The following HECW1 variants were observed in gnomAD, a reference collection of about 807,000 sequenced individuals.
HECW1 encodes the protein E3 ubiquitin-protein ligase HECW1.
Under a neutral mutation model 182.3 loss-of-function variants are expected in HECW1, and 61 were observed. That is an observed-to-expected ratio of 0.33 (90% CI 0.27 to 0.41). The LOEUF (loss-of-function observed/expected upper bound fraction) is 0.41, where lower values mean the gene tolerates loss of function less well. Ranked by LOEUF, HECW1 falls within the 10% of genes least tolerant of loss-of-function variation. The pLI is 1.00. For synonymous variants in HECW1, 859 were observed against 832.6 expected (o/e 1.03, Z -0.55); for missense variants, 1,739 against 2,108.9 (o/e 0.82, Z 3.44).
chr7:43,293,810 T>C (rs1805700542), intron 3 of HECW1, among the ~76,000 whole-genome samples: 1 of 152,138 alleles, frequency 6.6e-6, no homozygotes, highest in African/African-American at 2.4e-5. Flanking sequence ...TACCAGCCCA[T>C]GGCCTGTTAA....
chr7:43,537,006 G>A (rs2081200544), intron 24 of HECW1, among the ~76,000 whole-genome samples: 1 of 152,244 alleles, frequency 6.6e-6, no homozygotes, highest in Non-Finnish European at 1.5e-5. Flanking sequence ...CTGAGTTGCA[G>A]AGGCTGAGAC....
intron 6 of HECW1, among the ~76,000 whole-genome samples, chr7:43,370,305 C>T (rs1375257879): frequency 6.6e-6 from 1 of 152,000 alleles, no homozygotes; most frequent in Non-Finnish European, 1.5e-5. Flanking sequence ...CAATGAGGTA[C>T]CAAAGATACC....
At chr7:43,241,892 AAGCAC>A (rs1232383728) in intron 2 of HECW1, among the ~76,000 whole-genome samples, 1 of 152,142 alleles carries the variant, frequency 6.6e-6, no homozygotes, top group Non-Finnish European at 1.5e-5. Flanking sequence ...GGGGAAGGGG[AAGCAC>A]AGGGGAGGCC....
At chr7:43,458,772 A>G (rs1563005611) in intron 13 of HECW1, among the ~76,000 whole-genome samples, 1 of 152,208 alleles carries the variant, frequency 6.6e-6, no homozygotes, top group Non-Finnish European at 1.5e-5. Flanking sequence ...GCGACCACAC[A>G]GAAAGTCGTT....
At chr7:43,323,753 C>T (rs953461495) in intron 5 of HECW1, among the ~76,000 whole-genome samples, 6 of 152,100 alleles carry the variant, frequency 3.9e-5, no homozygotes, top group Non-Finnish European at 7.3e-5. Flanking sequence ...CTTGACCGTG[C>T]GCGGTGACTC....
rs1054533002 is a variant in HECW1 at position 43,401,575 on chromosome 7, T to G, written c.631+4686T>G. On this transcript the variant is annotated intron_variant, in intron 7 of 29. Coordinates refer to ENST00000395891, the MANE Select transcript of HECW1 (RefSeq NM_015052.5). ...AAATCTCATTTAAAAAGGTTTTTTTTTTTTTTTTTTTCCCCCAAATATAGC... is the reference window on the plus strand; with the variant it reads ...AAATCTCATTTAAAAAGGTTTTTTTGTTTTTTTTTTTCCCCCAAATATAGC... Among the ~76,000 whole-genome samples the G allele has an allele frequency of 1.5e-3, 227 of 149,088 alleles. 1 individual carries two copies. Among genetic ancestry groups the G allele is most frequent in the African/African-American group, 5.1e-3 (207 of 40,502 alleles).
At chr7:43,222,259 T>A (rs1039973519) in intron 2 of HECW1, among the ~76,000 whole-genome samples, 1 of 151,798 alleles carries the variant, frequency 6.6e-6, no homozygotes, top group Non-Finnish European at 1.5e-5. Context: ...AGAACCTGGG[T>A]TTTTTTTGCT....
chr7:43,178,056 C>G (rs1397479702), intron 2 of HECW1, among the ~76,000 whole-genome samples: 1 of 152,182 alleles, frequency 6.6e-6, no homozygotes, highest in Non-Finnish European at 1.5e-5. Context: ...GTCACCCAGG[C>G]TGGAGTGCAG....
At chr7:43,394,574 C>A (rs2075161219) in intron 6 of HECW1, among the ~76,000 whole-genome samples, 4 of 152,042 alleles carry the variant, frequency 2.6e-5, no homozygotes, top group Admixed American at 6.6e-5. Flanking sequence ...AAAACAGGAA[C>A]AAAGGAGGAG....
At chr7:43,290,612 G>A (rs1025918993) in intron 3 of HECW1, among the ~76,000 whole-genome samples, 8 of 152,220 alleles carry the variant, frequency 5.3e-5, no homozygotes, top group African/African-American at 1.9e-4. Flanking sequence ...TCCTGGCCAA[G>A]AGGGGGTCCA....
At chr7:43,315,710 T>C (rs928781176) in intron 4 of HECW1, among the ~76,000 whole-genome samples, 1 of 152,062 alleles carries the variant, frequency 6.6e-6, no homozygotes, top group African/African-American at 2.4e-5. Context: ...GCCAGGCTGA[T>C]CTCAAACTCC....
At chr7:43,247,765 G>A in intron 3 of HECW1, among the ~76,000 whole-genome samples, 2 of 131,862 alleles carry the variant, frequency 1.5e-5, no homozygotes, top group South Asian at 2.4e-4. Context: ...AAGGGAAAGA[G>A]AGGAAAAAAG....
At chr7:43,183,239 T>A (rs1340643202) in intron 2 of HECW1, among the ~76,000 whole-genome samples, 1 of 152,190 alleles carries the variant, frequency 6.6e-6, no homozygotes, top group Non-Finnish European at 1.5e-5. Context: ...CATAAACCTT[T>A]CCCCTGTGAG....
chr7:43,446,068 A>G (rs111692852), intron 11 of HECW1, among the ~76,000 whole-genome samples: 1,620 of 152,360 alleles, frequency 0.011, 33 homozygotes, highest in African/African-American at 0.037. Context: ...CAACTAGCCC[A>G]TGTACGTACA....
Position 43,243,993 on chromosome 7 carries a change from A to T in HECW1, c.27+61A>T. On this transcript the variant is annotated intron_variant, in intron 3 of 29. Transcript: ENST00000395891. The surrounding 1 kb of genome is among the most constrained non-coding windows in gnomAD (Gnocchi z 4.0). ...TGTCATTCCATTATAAACCCACTCC[A>T]CTCATAATGGAATGTGCCTCAGCCT... 7.7e-7 allele frequency: 1 copy of T among 1,304,188 alleles called. No individual in the cohort carries two copies. Among genetic ancestry groups the T allele is most frequent in the South Asian group, 1.2e-5 (1 of 84,886 alleles). The allele number at this position is 1,304,188 out of a possible 1,614,324, so 80.8% of individuals were successfully genotyped here.
intron 3 of HECW1, 91 bp downstream of exon 3, chr7:43,244,023 C>T (rs1799130067): frequency 9.6e-7 from 1 of 1,045,450 alleles, no homozygotes. Context: ...CAGCCTAGGG[C>T]CATTGCGGTT....
At chr7:43,174,805 C>T (rs1342211179) in intron 2 of HECW1, among the ~76,000 whole-genome samples, 1 of 152,132 alleles carries the variant, frequency 6.6e-6, no homozygotes, top group Non-Finnish European at 1.5e-5. Context: ...CTTCCTTTAC[C>T]ACGTGTGGAT....
intron 16 of HECW1, among the ~76,000 whole-genome samples, chr7:43,477,072 A>T (rs2078244446): frequency 6.6e-6 from 1 of 152,160 alleles, no homozygotes; most frequent in Non-Finnish European, 1.5e-5. Context: ...AGGAATGACT[A>T]ATTAGCCCAT....
intron 3 of HECW1, among the ~76,000 whole-genome samples, chr7:43,277,264 C>T (rs1032932740): frequency 1.3e-5 from 2 of 152,184 alleles, no homozygotes; most frequent in African/African-American, 4.8e-5. Context: ...AAAAGAGCTT[C>T]CACTGACTCC....
Sources: gnomAD v4.1 joint callset for allele counts (sites outside exome capture counted in the v4.1 genomes callset) on GRCh38, gnomAD v4.1.1 for gene constraint, Gnocchi (gnomAD v3.1) non-coding constraint, MANE v1.5 for transcripts, NCBI Gene and HGNC (gene_info 2026-07-23, HGNC 2026-07-21) for gene names.